SLC2A9: variants seen among roughly 807,000 people sequenced by gnomAD.
SLC2A9 encodes solute carrier family 2 member 9.
A neutral mutation model predicts 50.6 loss-of-function variants in SLC2A9; 39 were observed. The ratio of observed to expected loss-of-function variants is 0.77; its 90% confidence interval spans 0.60 to 1.01. The LOEUF (loss-of-function observed/expected upper bound fraction) is 1.01. Among genes scored for constraint, SLC2A9 ranks in the 50% least tolerant of loss-of-function variants. The pLI, the probability that SLC2A9 is intolerant of heterozygous loss-of-function variation, is 0.00. For missense variants in SLC2A9, 686 were observed against 677.6 expected, an observed-to-expected ratio of 1.01 and a Z score of -0.14; for synonymous variants, 324 against 276.9, an observed-to-expected ratio of 1.17 and a Z score of -1.69.
At chr4:9,808,396 G>A (rs1176785093) in intron 3 of SLC2A9, among the ~76,000 whole-genome samples, 2 of 152,174 alleles carry the variant, frequency 1.3e-5, no homozygotes, top group Non-Finnish European at 2.9e-5. Flanking sequence ...CTCTGCCTGC[G>A]TCGGCCACAG....
At chr4:9,880,420 A>G in intron 10 of SLC2A9, 1 of 985,424 alleles carries the variant, frequency 1.0e-6, no homozygotes, top group Non-Finnish European at 1.2e-6. Flanking sequence ...TCCCATAGAC[A>G]CTGATGGGGA....
intron 10 of SLC2A9, among the ~76,000 whole-genome samples, chr4:9,858,113 G>A (rs1731014220): frequency 6.6e-6 from 1 of 152,170 alleles, no homozygotes; most frequent in Admixed American, 6.5e-5. Flanking sequence ...ATGATATGGG[G>A]AGAAAGAACA....
At chr4:9,793,067 T>C (rs1045396978) in intron 3 of SLC2A9, among the ~76,000 whole-genome samples, 1 of 152,026 alleles carries the variant, frequency 6.6e-6, no homozygotes, top group African/African-American at 2.4e-5. Context: ...AGAGACGGGG[T>C]TTCTCCATGT....
intron 10 of SLC2A9, among the ~76,000 whole-genome samples, chr4:9,841,724 A>G (rs1728111762): frequency 6.6e-6 from 1 of 152,096 alleles, no homozygotes; most frequent in South Asian, 2.1e-4. Flanking sequence ...TTGTAAAGTG[A>G]CATGCACCGG....
intron 8 of SLC2A9, among the ~76,000 whole-genome samples, chr4:9,891,976 A>G (rs1737539118): frequency 6.6e-6 from 1 of 152,184 alleles, no homozygotes; most frequent in Non-Finnish European, 1.5e-5. Flanking sequence ...GAACAGTTGC[A>G]ATCCTTCCCC....
chr4:9,861,552 G>A (rs1731651853), intron 10 of SLC2A9, among the ~76,000 whole-genome samples: 1 of 152,106 alleles, frequency 6.6e-6, no homozygotes, highest in African/African-American at 2.4e-5. Flanking sequence ...TCAACAGAAT[G>A]TCCATTCCTT....
upstream of SLC2A9, among the ~76,000 whole-genome samples, chr4:10,022,056 C>T (rs1213272433): frequency 6.6e-6 from 1 of 152,170 alleles, no homozygotes; most frequent in Non-Finnish European, 1.5e-5. Flanking sequence ...CCAGGCTGGT[C>T]TTGACCTCCT....
At chr4:9,824,453 C>G (rs79095673), downstream of SLC2A9, among the ~76,000 whole-genome samples, 1 of 152,142 alleles carries the variant, frequency 6.6e-6, no homozygotes, top group Non-Finnish European at 1.5e-5. Flanking sequence ...TATTGCCTGA[C>G]AGTCATAGTG....
downstream of SLC2A9, among the ~76,000 whole-genome samples, chr4:9,775,648 A>T (rs150252857): frequency 7.7e-3 from 1,156 of 151,010 alleles, 15 homozygotes; most frequent in African/African-American, 0.027. Flanking sequence ...ACACCCACCG[A>T]CTCTCTCTTG....
chr4:9,961,360 C>T (rs1348172478), intron 5 of SLC2A9, among the ~76,000 whole-genome samples: 2 of 152,146 alleles, frequency 1.3e-5, no homozygotes. Context: ...CAAAAACAGA[C>T]ATATAGACCA....
At position 9,980,670 on chromosome 4, in the gene SLC2A9, C is replaced by T. The variant is rs940119293; in HGVS notation, c.603G>A (p.Leu201=). 3.1e-6 allele frequency: 5 copies of T among 1,614,044 alleles called. No homozygotes were observed. In the African/African-American group the frequency reaches 5.3e-5, roughly 17 times the overall value. Residue 201 remains leucine (L), a synonymous_variant, in exon 5 of 12, where the codon CTG becomes CTA. Transcript: ENST00000264784. ...AGATAAAGATGGCAGTCACCTGCCC[C>T]AGAGAGCCACGGATCTCCTTGGGTG... ...EISPKEIRGS[L]GQVTAIFICI...
In SLC2A9 at chr4:9,771,441, T is replaced by C. The variant is rs1289336182; in HGVS notation, n.182-72A>G. 3 of 398,754 alleles carry C rather than the reference T, an allele frequency of 7.5e-6. No homozygotes were observed. In the Admixed American group the frequency reaches 1.3e-4, roughly 18 times the overall value. 24.7% of individuals were successfully genotyped at this position (398,754 alleles called of 1,614,324 possible). A position where few individuals can be genotyped will look rare whatever the true frequency, so the allele number is the denominator to read the frequency against. On this transcript the variant is annotated intron_variant and non_coding_transcript_variant, in intron 1 of 1. Coordinates refer to the SLC2A9 transcript ENST00000508585. Reference sequence around the variant, plus strand: ...CCTGACAAGGAGATCTGCAGCACTCTGCTCACATTCCTGTTTTCCAGAACT... The same window carrying C: ...CCTGACAAGGAGATCTGCAGCACTCCGCTCACATTCCTGTTTTCCAGAACT...
In SLC2A9 at chr4:9,875,139, G is replaced by GAGTC. The variant is rs200234557; in HGVS notation, c.1291+12427_1291+12428insGACT. On this transcript the variant is annotated intron_variant, in intron 10 of 11. Transcript: ENST00000264784. ...TGTCTTTAGAAATGGCCATAGGTTA[G>GAGTC]TGTCTAAGATGGGATGCTGTGTCTT... is the stretch of plus-strand genomic sequence containing the variant. Among the ~76,000 whole-genome samples, 14 of 28,254 alleles carry GAGTC rather than the reference G, an allele frequency of 5.0e-4. 1 individual carries two copies. The highest frequency in any genetic ancestry group is 2.1e-3 in the South Asian group (2 of 968). The allele number at this position is 28,254 out of a possible 152,430, so 18.5% of individuals were successfully genotyped here.
chr4:9,889,250 C>T (rs1295244349), intron 9 of SLC2A9, among the ~76,000 whole-genome samples: 2 of 152,006 alleles, frequency 1.3e-5, no homozygotes, highest in African/African-American at 4.8e-5. Context: ...ACAGAAGAGC[C>T]CTAGGAGAGG....
At position 10,018,919 on chromosome 4, in the gene SLC2A9, C is replaced by G. The variant is rs1426997595; in HGVS notation, c.249+56G>C. The G allele has an allele frequency of 4.6e-6, 7 of 1,522,792 alleles. No individual in the cohort carries two copies. The African/African-American group carries it at 9.7e-5, about 21-fold the overall frequency. The allele number at this position is 1,522,792 out of a possible 1,614,324, so 94.3% of individuals were successfully genotyped here. Reference sequence around the variant, plus strand: ...CGCTGGAGCCCAGGGCCCTTGCGCACCCGAAGGTTTCCGCAGGGCCGCAGC... The same window carrying G: ...CGCTGGAGCCCAGGGCCCTTGCGCAGCCGAAGGTTTCCGCAGGGCCGCAGC... On this transcript the variant is annotated intron_variant, in intron 2 of 11. Coordinates refer to ENST00000264784, the MANE Select transcript of SLC2A9 (RefSeq NM_020041.3).
downstream of SLC2A9, among the ~76,000 whole-genome samples, chr4:9,825,166 T>C (rs776763209): frequency 3.9e-5 from 6 of 152,190 alleles, no homozygotes; most frequent in Non-Finnish European, 8.8e-5. Flanking sequence ...TACTTTACTT[T>C]AGGACACGTT....
At chr4:9,937,467 A>G (rs571889169) in intron 6 of SLC2A9, among the ~76,000 whole-genome samples, 19 of 152,264 alleles carry the variant, frequency 1.2e-4, no homozygotes, top group Admixed American at 2.6e-4. Context: ...GAGGCCACCT[A>G]TCTTGGCTCA....
intron 11 of SLC2A9, among the ~76,000 whole-genome samples, chr4:9,832,302 T>C (rs1726299565): frequency 6.6e-6 from 1 of 152,176 alleles, no homozygotes; most frequent in African/African-American, 2.4e-5. Context: ...CTCTAATGCA[T>C]TGATCATTGC....
At chr4:9,931,989 T>TAC (rs1746218417) in intron 6 of SLC2A9, among the ~76,000 whole-genome samples, 1 of 126,608 alleles carries the variant, frequency 7.9e-6, no homozygotes, top group Non-Finnish European at 1.6e-5. Flanking sequence ...TATATATATA[T>TAC]ATATATATAT....
Sources: allele counts gnomAD v4.1 joint callset (sites outside exome capture counted in the v4.1 genomes callset), GRCh38; gene constraint gnomAD v4.1.1; transcripts MANE v1.5; gene names NCBI Gene and HGNC (gene_info 2026-07-23, HGNC 2026-07-21).